The following ADAMTS14 variants were observed in gnomAD, a reference collection of about 807,000 sequenced individuals.
ADAMTS14 encodes A disintegrin and metalloproteinase with thrombospondin motifs 14.
Under a neutral mutation model 128.6 loss-of-function variants are expected in ADAMTS14, and 100 were observed. The ratio of observed to expected loss-of-function variants is 0.78; its 90% CI spans 0.66 to 0.92. ADAMTS14 has a LOEUF of 0.92. Ranked by LOEUF, ADAMTS14 falls within the 40% of genes least tolerant of loss-of-function variation. The pLI, the probability that ADAMTS14 is intolerant of heterozygous loss-of-function variation, is 0.00. For synonymous variants in ADAMTS14, 665 were observed against 653.8 expected (o/e 1.02, Z -0.26); for missense variants, 1,562 against 1,658.6 (o/e 0.94, Z 1.01).
chr10:70,731,064 C>CCACACACACACA (rs56903140), intron 6 of ADAMTS14, among the ~76,000 whole-genome samples: 25,529 of 145,574 alleles, frequency 0.18, 2,348 homozygotes, highest in Middle Eastern at 0.23. Flanking sequence ...GTTTTACACA[C>CCACACACACACA]CACACACACA....
Position 70,708,616 on chromosome 10 carries a change from G to T in ADAMTS14, c.708G>T (p.Leu236=), listed in dbSNP as rs192266070. 8 of 1,609,674 alleles carry T rather than the reference G, an allele frequency of 5.0e-6. No homozygotes were observed. In the South Asian group the frequency reaches 6.6e-5, roughly 13 times the overall value. Residue 236 remains leucine (L), a synonymous_variant, in exon 4 of 22, where the codon CTG becomes CTT. Transcript: ENST00000373207. ...TTGGCCTGGGAGACCTTCCCAACCTGCTGGGCCTGGTGGGGGACCAGCTGG... is the reference window on the plus strand; with the variant it reads ...TTGGCCTGGGAGACCTTCCCAACCTTCTGGGCCTGGTGGGGGACCAGCTGG... ...EAFGLGDLPN[L]LGLVGDQLGD...
In ADAMTS14 at chr10:70,681,660, T is replaced by A. The variant is rs554679294; in HGVS notation, c.522+6665T>A. 1.7e-3 allele frequency among the ~76,000 whole-genome samples: 266 copies of A among 152,196 alleles called. 1 individual carries two copies. Among genetic ancestry groups the A allele is most frequent in the African/African-American group, 6.1e-3 (253 of 41,542 alleles). On this transcript the variant is annotated intron_variant, in intron 2 of 21. Transcript: ENST00000373207. ...GGCTGCTCTTGACTGGCTGGATGAG[T>A]GAGTAGGCGTCCTGTGGGCGCCCTG...
chr10:70,692,303 T>C (rs1840215220), intron 2 of ADAMTS14, among the ~76,000 whole-genome samples: 2 of 152,206 alleles, frequency 1.3e-5, no homozygotes, highest in African/African-American at 4.8e-5. Flanking sequence ...CACCACCTGC[T>C]GTGAACCCGG....
chr10:70,713,469 G>A (rs997754374), intron 4 of ADAMTS14, among the ~76,000 whole-genome samples: 9 of 152,208 alleles, frequency 5.9e-5, no homozygotes, highest in Non-Finnish European at 1.3e-4. Context: ...GGAGCCCCAG[G>A]GGCCACAGGA....
intron 10 of ADAMTS14, 92 bp downstream of exon 10, chr10:70,736,885 C>T: frequency 8.5e-7 from 1 of 1,179,094 alleles, no homozygotes; most frequent in Non-Finnish European, 1.2e-6. Context: ...AACCCTGACC[C>T]CTCCCTCCAA....
chr10:70,749,085 A>G (rs10762401), intron 15 of ADAMTS14, among the ~76,000 whole-genome samples: 62,196 of 152,062 alleles, frequency 0.41, 14,072 homozygotes, highest in East Asian at 0.71. Context: ...TGGGCTGAGG[A>G]CACCAAGATG....
At chr10:70,725,664 C>A (rs1340679032) in intron 4 of ADAMTS14, among the ~76,000 whole-genome samples, 1 of 152,178 alleles carries the variant, frequency 6.6e-6, no homozygotes, top group African/African-American at 2.4e-5. Context: ...TTAATTACCC[C>A]CTAATGCCCT....
chr10:70,711,521 C>T, intron 4 of ADAMTS14, among the ~76,000 whole-genome samples: 1 of 152,222 alleles, frequency 6.6e-6, no homozygotes, highest in Admixed American at 6.5e-5. Flanking sequence ...AGAGCCTCTG[C>T]TTTTTCATGA....
rs1206636636 is a variant in ADAMTS14, at chr10:70,672,510, C to A, written c.-293C>A. Among the ~76,000 whole-genome samples, 8 of 150,298 alleles carry A rather than the reference C, an allele frequency of 5.3e-5. No homozygotes were observed. The highest frequency in any genetic ancestry group is 1.2e-4 in the African/African-American group (5 of 41,254). ...CCCGCGGAGTCCCGGAGCGTCACTGCGCGGGCGGGCTGACCGACCAGCCGG... is the reference window on the plus strand; with the variant it reads ...CCCGCGGAGTCCCGGAGCGTCACTGAGCGGGCGGGCTGACCGACCAGCCGG... On this transcript the variant is annotated 5_prime_UTR_variant, in exon 1 of 22. Transcript: ENST00000373207.
At chr10:70,704,818 C>T (rs1380751198) in intron 3 of ADAMTS14, among the ~76,000 whole-genome samples, 1 of 150,852 alleles carries the variant, frequency 6.6e-6, no homozygotes, top group African/African-American at 2.4e-5. Flanking sequence ...CCATCTATAC[C>T]CTCATGCTCA....
chr10:70,675,962 C>T (rs562478370), intron 2 of ADAMTS14, among the ~76,000 whole-genome samples: 1 of 152,300 alleles, frequency 6.6e-6, no homozygotes, highest in South Asian at 2.1e-4. Flanking sequence ...TCCTTCCTCA[C>T]TGGCAGGGTG....
chr10:70,741,272 C>G (rs1439603822), intron 12 of ADAMTS14, 110 bp downstream of exon 12: 1 of 1,339,300 alleles, frequency 7.5e-7, no homozygotes, highest in African/African-American at 1.5e-5. Context: ...GGTGGAGGGA[C>G]AGTGGGGGTG....
In ADAMTS14 at chr10:70,721,075, A is replaced by G. The variant is rs112530191; in HGVS notation, c.871-8219A>G. 6.4e-3 allele frequency among the ~76,000 whole-genome samples: 777 copies of G among 120,722 alleles called. 10 individuals are homozygous for G. Among genetic ancestry groups the G allele is most frequent in the African/African-American group, 0.024 (735 of 30,492 alleles). The allele number at this position is 120,722 out of a possible 152,430, so 79.2% of individuals were successfully genotyped here. A position where few individuals can be genotyped will look rare whatever the true frequency, so the allele number is the denominator to read the frequency against. On this transcript the variant is annotated intron_variant, in intron 4 of 21. Coordinates refer to ENST00000373207, the MANE Select transcript of ADAMTS14 (RefSeq NM_080722.4). The stretch of plus-strand genomic sequence containing the variant: ...ACTCTTGCTCTGTCACCCAGGCTGG[A>G]GTGCAGTGGTGTGATCTCAGCTCAC...
chr10:70,693,650 T>C (rs973010989), intron 2 of ADAMTS14, among the ~76,000 whole-genome samples: 6 of 152,234 alleles, frequency 3.9e-5, no homozygotes, highest in African/African-American at 1.4e-4. Context: ...TCAGGAACTC[T>C]CTGGCTCTAG....
At chr10:70,739,243 C>G (rs17601452) in intron 11 of ADAMTS14, among the ~76,000 whole-genome samples, 27,590 of 152,038 alleles carry the variant, frequency 0.18, 3,123 homozygotes, top group Non-Finnish European at 0.26. Flanking sequence ...CAGAAGATTC[C>G]CCAGAGTCTG....
intron 1 of ADAMTS14, among the ~76,000 whole-genome samples, chr10:70,673,669 A>G (rs958485382): frequency 4.6e-5 from 7 of 152,166 alleles, no homozygotes; most frequent in African/African-American, 1.4e-4. Flanking sequence ...ACCACTTTCT[A>G]TGTTTCATCA....
rs1456275537 is a variant in ADAMTS14, at chr10:70,708,618, T to C, written c.710T>C (p.Leu237Pro). 1.9e-6 allele frequency: 3 copies of C among 1,609,940 alleles called. No individual in the cohort carries two copies. In the African/African-American group the frequency reaches 4.0e-5, roughly 22 times the overall value. ...GGCCTGGGAGACCTTCCCAACCTGCTGGGCCTGGTGGGGGACCAGCTGGGC... is the reference window on the plus strand; with the variant it reads ...GGCCTGGGAGACCTTCCCAACCTGCCGGGCCTGGTGGGGGACCAGCTGGGC... ...AFGLGDLPNL[L>P]GLVGDQLGDT... The change falls in exon 4 of 22, where the codon CTG becomes CCG. Residue 237 changes from leucine to proline, a missense_variant. Leu to Pro is a moderately conservative substitution (Grantham distance 98, BLOSUM62 -3). Transcript: ENST00000373207.
At chr10:70,713,422 A>G (rs1007680948) in intron 4 of ADAMTS14, among the ~76,000 whole-genome samples, 9 of 152,228 alleles carry the variant, frequency 5.9e-5, no homozygotes, top group Non-Finnish European at 4.4e-5. Context: ...GTGTATTGGC[A>G]GGGAGCTGCT....
At chr10:70,757,928 G>C (rs1249034839) in intron 19 of ADAMTS14, 34 bp from the exon 20 acceptor site, 1 of 1,562,168 alleles carries the variant, frequency 6.4e-7, no homozygotes, top group African/African-American at 1.4e-5. Context: ...CCTGACCCCG[G>C]CCGCTATGCC....
Sources: allele counts gnomAD v4.1 joint callset (sites outside exome capture counted in the v4.1 genomes callset), GRCh38; gene constraint gnomAD v4.1.1; transcripts MANE v1.5; gene names NCBI Gene and HGNC (gene_info 2026-07-23, HGNC 2026-07-21).